The following KAZN variants were observed in gnomAD, a reference collection of about 807,000 sequenced individuals.
KAZN encodes the protein kazrin, periplakin interacting protein.
In KAZN, 40 loss-of-function variants were observed where a neutral mutation model predicts 87.4. The ratio of observed to expected loss-of-function variants is 0.46; its 90% confidence interval spans 0.36 to 0.60. The LOEUF is 0.60. KAZN is among the 20% of genes least tolerant of loss of function. The pLI, the probability that KAZN is intolerant of heterozygous loss-of-function variation, is 0.00. For missense variants in KAZN, 898 were observed against 1,073.9 expected (o/e 0.84, Z 2.29); for synonymous variants, 466 against 458.3 (o/e 1.02, Z -0.22).
chr1:14,461,731 C>T (rs1004036094), intron 2 of KAZN, among the ~76,000 whole-genome samples: 1 of 152,064 alleles, frequency 6.6e-6, no homozygotes. Context: ...CACAAATGAA[C>T]CCCACCTATT....
At chr1:14,557,860 G>A (rs917729205) in intron 2 of KAZN, among the ~76,000 whole-genome samples, 1 of 152,070 alleles carries the variant, frequency 6.6e-6, no homozygotes, top group Non-Finnish European at 1.5e-5. Flanking sequence ...TACAGAGCCT[G>A]GAATTCAACA....
intron 2 of KAZN, among the ~76,000 whole-genome samples, chr1:15,016,999 A>G (rs1045853488): frequency 9.2e-5 from 14 of 152,182 alleles, no homozygotes; most frequent in Admixed American, 7.8e-4. Flanking sequence ...CCATGGGAAT[A>G]AAGACCTTAT....
chr1:15,035,243 T>C (rs1352936571), intron 3 of KAZN, among the ~76,000 whole-genome samples: 1 of 152,166 alleles, frequency 6.6e-6, no homozygotes, highest in African/African-American at 2.4e-5. Flanking sequence ...CTCTATGAGA[T>C]GATGAATGCC....
chr1:14,392,303 T>C (rs1662512394), intron 2 of KAZN, among the ~76,000 whole-genome samples: 1 of 152,212 alleles, frequency 6.6e-6, no homozygotes, highest in Non-Finnish European at 1.5e-5. Context: ...TATTACAGCA[T>C]ATCTAGTAAT....
intron 1 of KAZN, among the ~76,000 whole-genome samples, chr1:14,041,512 T>G (rs1641837808): frequency 6.6e-6 from 1 of 152,216 alleles, no homozygotes; most frequent in Non-Finnish European, 1.5e-5. Context: ...CAGCCAAACC[T>G]GTCAGATAAC....
Position 15,103,454 on chromosome 1 carries a change from C to A in KAZN, c.1875C>A (p.Asp625Glu). The stretch of plus-strand genomic sequence containing the variant: ...TGCTCAAGTGGGTTCGAGACATCGA[C>A]CTGAAGGTGAGGGTGATAGCGGAGG... Reference protein sequence around the residue: ...QRVLKWVRDIDLKEYADNLTN... With the variant: ...QRVLKWVRDIELKEYADNLTN... The change falls in exon 12 of 15, where the codon GAC becomes GAA. Residue 625 changes from aspartate (D) to glutamate (E), a missense_variant. Transcript: ENST00000376030. 2.6e-6 allele frequency: 4 copies of A among 1,547,880 alleles called. No homozygotes were observed. Among genetic ancestry groups the A allele is most frequent in the Non-Finnish European group, 3.5e-6 (4 of 1,146,066 alleles).
intron 1 of KAZN, among the ~76,000 whole-genome samples, chr1:14,013,169 G>A (rs1186149153): frequency 6.6e-6 from 1 of 152,170 alleles, no homozygotes; most frequent in Non-Finnish European, 1.5e-5. Flanking sequence ...GTGGTTTTCA[G>A]ACTCCTCATT....
chr1:14,387,025 T>C (rs963128088), intron 2 of KAZN, among the ~76,000 whole-genome samples: 1 of 152,212 alleles, frequency 6.6e-6, no homozygotes, highest in African/African-American at 2.4e-5. Flanking sequence ...TTTTTATTTT[T>C]TTCTCTAAAC....
At chr1:14,849,019 G>A (rs1010988291) in intron 1 of KAZN, among the ~76,000 whole-genome samples, 5 of 152,184 alleles carry the variant, frequency 3.3e-5, no homozygotes, top group African/African-American at 9.7e-5. Flanking sequence ...GAGGTTGGGG[G>A]CCCCGGGATC....
At chr1:14,007,510 G>A (rs1338119537) in intron 1 of KAZN, among the ~76,000 whole-genome samples, 1 of 152,160 alleles carries the variant, frequency 6.6e-6, no homozygotes. Context: ...TTTGGCAAAA[G>A]GTCAGGCAGA....
intron 2 of KAZN, among the ~76,000 whole-genome samples, chr1:14,458,805 G>A (rs969388572): frequency 1.3e-5 from 2 of 152,176 alleles, no homozygotes; most frequent in Non-Finnish European, 2.9e-5. Context: ...TTAGCACAAC[G>A]GGTGCCATGA....
rs35828417 is a variant in KAZN at position 13,978,129 on chromosome 1, C to CAAAAAAAAAAAA, written c.91+84384_91+84395dup. ...GGTGACAGAGCAAGACTCCATCTCA[C>CAAAAAAAAAAAA]AAAAAAAAAAAAAAAAAAAAAAGGC... On this transcript the variant is annotated intron_variant, in intron 1 of 16. Transcript: ENST00000636203. Among the ~76,000 whole-genome samples the CAAAAAAAAAAAA allele has an allele frequency of 2.4e-5, 2 of 82,120 alleles. 1 individual carries two copies. Among genetic ancestry groups the CAAAAAAAAAAAA allele is most frequent in the Non-Finnish European group, 4.3e-5 (2 of 46,264 alleles). The allele number at this position is 82,120 out of a possible 152,430, so 53.9% of individuals were successfully genotyped here.
At chr1:14,181,882 C>A (rs1646206030) in intron 2 of KAZN, among the ~76,000 whole-genome samples, 1 of 152,148 alleles carries the variant, frequency 6.6e-6, no homozygotes, top group Non-Finnish European at 1.5e-5. Context: ...AAGGGAACTG[C>A]CTAAATGAAT....
rs568637813 is a variant in KAZN, at chr1:13,905,960, A to G, written c.91+12204A>G. The stretch of plus-strand genomic sequence containing the variant: ...ACCTGAGTTCCTTCTGGGAGCGCCA[A>G]TCTCTCTCCATGGTTACCCAGCTCC... On this transcript the variant is annotated intron_variant, in intron 1 of 16. Transcript: ENST00000636203. 4.8e-3 allele frequency among the ~76,000 whole-genome samples: 736 copies of G among 152,196 alleles called. 5 individuals are homozygous for G. Among genetic ancestry groups the G allele is most frequent in the African/African-American group, 0.016 (684 of 41,530 alleles).
At chr1:14,830,562 G>C (rs557442687) in intron 1 of KAZN, among the ~76,000 whole-genome samples, 1 of 152,172 alleles carries the variant, frequency 6.6e-6, no homozygotes, top group South Asian at 2.1e-4. Flanking sequence ...AGTTCTGCAG[G>C]CTGTACAAGA....
chr1:14,625,508 G>A (rs964578194), intron 1 of KAZN, among the ~76,000 whole-genome samples: 3 of 152,114 alleles, frequency 2.0e-5, no homozygotes, highest in Admixed American at 2.0e-4. Flanking sequence ...TCCCAAAAAA[G>A]CCCCAAAGAG....
chr1:14,033,719 A>C (rs1641423773), intron 1 of KAZN, among the ~76,000 whole-genome samples: 1 of 152,232 alleles, frequency 6.6e-6, no homozygotes, highest in Non-Finnish European at 1.5e-5. Context: ...TCTATGGTGA[A>C]GTTTAAGTGT....
chr1:14,191,142 A>G (rs1460715474), intron 2 of KAZN, among the ~76,000 whole-genome samples: 3 of 152,190 alleles, frequency 2.0e-5, no homozygotes, highest in Non-Finnish European at 4.4e-5. Context: ...AAAAGGGTGC[A>G]TTGAATGCAT....
intron 1 of KAZN, among the ~76,000 whole-genome samples, chr1:14,950,967 A>G (rs1662406275): frequency 6.6e-6 from 1 of 152,140 alleles, no homozygotes; most frequent in African/African-American, 2.4e-5. Flanking sequence ...AAGCAACAGC[A>G]AACTTCCTAT....
Sources: allele counts gnomAD v4.1 joint callset (sites outside exome capture counted in the v4.1 genomes callset), GRCh38; gene constraint gnomAD v4.1.1; transcripts MANE v1.5; gene names NCBI Gene and HGNC (gene_info 2026-07-23, HGNC 2026-07-21).